Variants in DCDC2 observed in about 807,000 individuals in gnomAD.
DCDC2 encodes doublecortin domain containing 2.
DCDC2 carries 40 observed loss-of-function variants against 50.2 expected under a neutral mutation model. That is an observed-to-expected ratio of 0.80 (90% confidence interval 0.62 to 1.04). The LOEUF (loss-of-function observed/expected upper bound fraction) is 1.04. DCDC2 is among the 50% of genes least tolerant of loss of function. The pLI is 0.00. For missense variants in DCDC2, 570 were observed against 581.9 expected (o/e 0.98, Z 0.21); for synonymous variants, 234 against 210.6 (o/e 1.11, Z -0.96).
intron 7 of DCDC2, among the ~76,000 whole-genome samples, chr6:24,275,510 T>C (rs1763331792): frequency 6.6e-6 from 1 of 152,194 alleles, no homozygotes; most frequent in African/African-American, 2.4e-5. Context: ...ACAAAATGCT[T>C]CTAGATCAGT....
chr6:24,225,558 A>G (rs1258572075), intron 7 of DCDC2, among the ~76,000 whole-genome samples: 1 of 152,124 alleles, frequency 6.6e-6, no homozygotes. Context: ...TGTACTAACC[A>G]TCTCCCCTTC....
At chr6:24,242,788 C>G (rs1451068665) in intron 7 of DCDC2, among the ~76,000 whole-genome samples, 1 of 152,014 alleles carries the variant, frequency 6.6e-6, no homozygotes, top group Non-Finnish European at 1.5e-5. Flanking sequence ...ATAACAAAAC[C>G]CCATCTCTAC....
Position 24,278,067 on chromosome 6 carries a change from C to A in DCDC2, c.904G>T (p.Glu302Ter), listed in dbSNP as rs1763397224. The change falls in exon 7 of 10, where the codon GAA (glutamate) becomes TAA (stop). Residue 302 changes from glutamate to a stop codon, truncating the protein, a stop_gained. Transcript: ENST00000378454. LOFTEE classifies it high-confidence loss of function. ...KQNVKLKNSQ[E>*]TIPNSDEGIF... ...CACTTACCACTATTTGGAATGGTTT[C>A]TTGTGAATTCTTTAATTTTACATTT... The A allele has an allele frequency of 6.2e-7, 1 of 1,611,410 alleles. No homozygotes were observed. Among genetic ancestry groups the A allele is most frequent in the Non-Finnish European group, 8.5e-7 (1 of 1,178,386 alleles).
At chr6:24,292,016 T>C (rs1010021925) in intron 4 of DCDC2, among the ~76,000 whole-genome samples, 5 of 152,062 alleles carry the variant, frequency 3.3e-5, no homozygotes, top group Non-Finnish European at 4.4e-5. Context: ...CCGTCCCTAC[T>C]AAGCAAAACA....
intron 2 of DCDC2, among the ~76,000 whole-genome samples, chr6:24,347,485 T>C (rs369342687): frequency 2.0e-5 from 3 of 152,142 alleles, no homozygotes; most frequent in African/African-American, 7.2e-5. Context: ...ACTCAACATT[T>C]AAAAATGACA....
chr6:24,365,634 A>C, the DCDC2 span: 5 of 152,256 alleles, frequency 3.3e-5, no homozygotes, highest in Admixed American at 6.5e-5. Flanking sequence ...CTAACGAGTT[A>C]AGAACAATAA....
At chr6:24,255,606 T>C (rs927437076) in intron 7 of DCDC2, among the ~76,000 whole-genome samples, 4 of 151,862 alleles carry the variant, frequency 2.6e-5, no homozygotes, top group African/African-American at 9.7e-5. Flanking sequence ...AGGCAAACAA[T>C]ACAACAGAAA....
chr6:24,375,511 A>G, the DCDC2 span, among the ~76,000 whole-genome samples: 1 of 152,140 alleles, frequency 6.6e-6, no homozygotes, highest in African/African-American at 2.4e-5. Context: ...AGTCATAAAT[A>G]TTGTTATTCT....
chr6:24,293,414 A>C (rs1763794988), intron 4 of DCDC2, among the ~76,000 whole-genome samples: 1 of 152,220 alleles, frequency 6.6e-6, no homozygotes, highest in Admixed American at 6.5e-5. Flanking sequence ...TATTAACGTT[A>C]AAGGAAAACG....
At chr6:24,285,437 C>T (rs375979990) in intron 6 of DCDC2, among the ~76,000 whole-genome samples, 60 of 152,098 alleles carry the variant, frequency 3.9e-4, no homozygotes, top group African/African-American at 1.4e-3. Flanking sequence ...CATTTTTATA[C>T]TTCATAAGTA....
At chr6:24,242,444 T>A (rs527797286) in intron 7 of DCDC2, among the ~76,000 whole-genome samples, 2 of 152,062 alleles carry the variant, frequency 1.3e-5, no homozygotes, top group Admixed American at 6.6e-5. Flanking sequence ...TCTGTCTACC[T>A]GGAGAAGGTT....
At position 24,333,465 on chromosome 6, in the gene DCDC2, G is replaced by A. The variant is rs187236982; in HGVS notation, c.348+20104C>T. Among the ~76,000 whole-genome samples the A allele has an allele frequency of 2.0e-5, 3 of 152,016 alleles. No individual in the cohort carries two copies. In the East Asian group the frequency reaches 5.8e-4, roughly 29 times the overall value. ...TCCAATCCAATTCACACACACACAC[G>A]CAACCAAAATCACAATTTCACAAAA... is the stretch of plus-strand genomic sequence containing the variant. On this transcript the variant is annotated intron_variant, in intron 2 of 9. Coordinates refer to ENST00000378454, the MANE Select transcript of DCDC2 (RefSeq NM_016356.5).
At chr6:24,362,415 TTA>T (rs1164894036), upstream of DCDC2, among the ~76,000 whole-genome samples, 140 of 142,244 alleles carry the variant, frequency 9.8e-4, 5 homozygotes, top group African/African-American at 3.1e-3. Flanking sequence ...ATTTATACAA[TTA>T]TTTTTTATTT....
intron 7 of DCDC2, among the ~76,000 whole-genome samples, chr6:24,274,580 T>G (rs1484812301): frequency 1.6e-5 from 2 of 127,426 alleles, no homozygotes; most frequent in Non-Finnish European, 3.1e-5. Flanking sequence ...TTATTAAGCT[T>G]TACTATTACA....
intron 2 of DCDC2, among the ~76,000 whole-genome samples, chr6:24,317,334 G>C (rs1759690846): frequency 6.6e-6 from 1 of 151,970 alleles, no homozygotes; most frequent in South Asian, 2.1e-4. Flanking sequence ...ACAGACCAAA[G>C]GAAGTACATA....
At chr6:24,267,629 T>C (rs1035133866) in intron 7 of DCDC2, among the ~76,000 whole-genome samples, 3 of 152,066 alleles carry the variant, frequency 2.0e-5, no homozygotes, top group Admixed American at 6.6e-5. Context: ...GAAATAAGTA[T>C]ACAAAAGCCC....
chr6:24,278,033 A>C lies in DCDC2; in HGVS notation c.922+16T>G, dbSNP rs1443823796. On this transcript the variant is annotated intron_variant, in intron 7 of 9. Coordinates refer to ENST00000378454, the MANE Select transcript of DCDC2 (RefSeq NM_016356.5). Reference sequence around the variant, plus strand: ...AAAATTGTATCACAGCCTTAAGATAATAATAACACACTTACCACTATTTGG... The same window carrying C: ...AAAATTGTATCACAGCCTTAAGATACTAATAACACACTTACCACTATTTGG... 3 of 1,588,110 alleles carry C rather than the reference A, an allele frequency of 1.9e-6. No homozygotes were observed. Among genetic ancestry groups the C allele is most frequent in the Non-Finnish European group, 1.7e-6 (2 of 1,161,896 alleles).
chr6:24,349,164 C>T (rs1259127153), intron 2 of DCDC2, among the ~76,000 whole-genome samples: 1 of 152,178 alleles, frequency 6.6e-6, no homozygotes, highest in Non-Finnish European at 1.5e-5. Context: ...AGGACGCTTC[C>T]ATTTGAAGGG....
At chr6:24,225,374 T>C (rs189542353) in intron 7 of DCDC2, among the ~76,000 whole-genome samples, 220 of 152,184 alleles carry the variant, frequency 1.4e-3, no homozygotes, top group Non-Finnish European at 2.4e-3. Flanking sequence ...AAACACATCT[T>C]CTCCTGACCA....
Sources: gnomAD v4.1 joint callset for allele counts (sites outside exome capture counted in the v4.1 genomes callset) on GRCh38, gnomAD v4.1.1 for gene constraint, MANE v1.5 for transcripts, NCBI Gene and HGNC (gene_info 2026-07-23, HGNC 2026-07-21) for gene names.